FGGY: variants seen among roughly 807,000 people sequenced by gnomAD.
FGGY encodes FGGY carbohydrate kinase domain-containing protein.
Under a neutral mutation model 71.3 loss-of-function variants are expected in FGGY, and 72 were observed. The observed-to-expected ratio is 1.01, with a 90% CI of 0.84 to 1.23. The LOEUF is 1.23. Among genes scored for constraint, FGGY ranks in the 50% most tolerant of loss-of-function variants. FGGY has a pLI of 0.00. For synonymous variants in FGGY, 251 were observed against 250.3 expected, an observed-to-expected ratio of 1.00 and a Z score of -0.02; for missense variants, 668 against 682.3, an observed-to-expected ratio of 0.98 and a Z score of 0.23.
intron 6 of FGGY, among the ~76,000 whole-genome samples, chr1:59,488,048 C>T (rs1020396594): frequency 1.3e-5 from 2 of 152,110 alleles, no homozygotes; most frequent in African/African-American, 4.8e-5. Context: ...GCAGTTGAAA[C>T]CATGCCGTAT....
At chr1:59,639,211 G>C (rs1479734751) in intron 11 of FGGY, among the ~76,000 whole-genome samples, 3 of 152,182 alleles carry the variant, frequency 2.0e-5, no homozygotes, top group Non-Finnish European at 2.9e-5. Flanking sequence ...AGGAAGCCGC[G>C]TAACAGTGGA....
At chr1:59,341,907 G>C (rs540541535) in intron 3 of FGGY, among the ~76,000 whole-genome samples, 18 of 152,282 alleles carry the variant, frequency 1.2e-4, no homozygotes, top group Admixed American at 5.2e-4. Context: ...TAGAGGCAGA[G>C]TGTGGAGGCT....
chr1:59,383,460 C>G (rs1171007679), intron 5 of FGGY, among the ~76,000 whole-genome samples: 1 of 152,112 alleles, frequency 6.6e-6, no homozygotes, highest in African/African-American at 2.4e-5. Context: ...TCTGAATGGA[C>G]CCCTTCTCTT....
At chr1:59,692,653 T>C (rs12119481) in intron 14 of FGGY, among the ~76,000 whole-genome samples, 6 of 148,522 alleles carry the variant, frequency 4.0e-5, no homozygotes, top group Non-Finnish European at 8.9e-5. Context: ...AAAAAAAAGT[T>C]GGGGGAGAAA....
chr1:59,451,534 C>T (rs55727068), intron 5 of FGGY, among the ~76,000 whole-genome samples: 5,134 of 152,046 alleles, frequency 0.034, 284 homozygotes, highest in African/African-American at 0.12. Context: ...TATGCACATA[C>T]ATGCATATAT....
At chr1:59,404,676 T>C (rs1222641165) in intron 5 of FGGY, among the ~76,000 whole-genome samples, 3 of 152,182 alleles carry the variant, frequency 2.0e-5, no homozygotes, top group Non-Finnish European at 4.4e-5. Context: ...GTTGGAGGGC[T>C]AAACCAGTGT....
At chr1:59,486,612 C>G (rs2093666056) in intron 6 of FGGY, among the ~76,000 whole-genome samples, 1 of 152,200 alleles carries the variant, frequency 6.6e-6, no homozygotes, top group African/African-American at 2.4e-5. Flanking sequence ...GGGTCCTACA[C>G]ACAGCTACCT....
intron 5 of FGGY, among the ~76,000 whole-genome samples, chr1:59,386,247 C>A (rs543262950): frequency 6.6e-6 from 1 of 152,044 alleles, no homozygotes; most frequent in Non-Finnish European, 1.5e-5. Context: ...CCTTCTCAGG[C>A]TCTTCTTGGC....
Position 59,469,501 on chromosome 1 carries a change from T to G in FGGY, c.670+12425T>G, listed in dbSNP as rs1048468964. Among the ~76,000 whole-genome samples the G allele has an allele frequency of 2.6e-5, 4 of 152,334 alleles. No homozygotes were observed. The South Asian group carries it at 6.2e-4, about 24-fold the overall frequency. On this transcript the variant is annotated intron_variant, in intron 6 of 15. Coordinates refer to ENST00000303721, the MANE Select transcript of FGGY (RefSeq NM_018291.5). ...TGAGGGCAGAGCCCTCATGGCTTAA[T>G]CACATCTTAAAAGTCTCACCTTTTA...
intron 14 of FGGY, among the ~76,000 whole-genome samples, chr1:59,722,052 C>T (rs564542222): frequency 5.9e-4 from 90 of 152,308 alleles, no homozygotes; most frequent in African/African-American, 2.1e-3. Flanking sequence ...CAGGACACCA[C>T]GTTACATTTA....
intron 1 of FGGY, chr1:59,315,996 A>G (rs2045388381): frequency 6.6e-6 from 1 of 152,210 alleles, no homozygotes; most frequent in Admixed American, 6.5e-5. Context: ...AACAACTATT[A>G]TTGCCAAATC....
chr1:59,533,790 C>T (rs1178076764), intron 7 of FGGY, among the ~76,000 whole-genome samples: 1 of 152,198 alleles, frequency 6.6e-6, no homozygotes, highest in South Asian at 2.1e-4. Flanking sequence ...AGAAGGAAAA[C>T]TAACAAACAG....
chr1:59,540,902 G>C (rs537518597), intron 7 of FGGY, among the ~76,000 whole-genome samples: 24 of 152,308 alleles, frequency 1.6e-4, no homozygotes, highest in African/African-American at 5.8e-4. Flanking sequence ...CTTCCTGCCT[G>C]TATTAGGTGC....
chr1:59,365,831 G>A (rs1428691084), intron 4 of FGGY, among the ~76,000 whole-genome samples: 1 of 152,186 alleles, frequency 6.6e-6, no homozygotes, highest in Admixed American at 6.5e-5. Context: ...GACTTATCAG[G>A]CACTTTATAT....
intron 6 of FGGY, among the ~76,000 whole-genome samples, chr1:59,457,626 A>G (rs185031398): frequency 1.2e-3 from 180 of 152,202 alleles, no homozygotes; most frequent in African/African-American, 4.0e-3. Flanking sequence ...TGAGGGGGAA[A>G]AAAAAATGGG....
chr1:59,339,966 A>G lies in FGGY; in HGVS notation c.210A>G (p.Val70=), dbSNP rs181105009. ...AACCVVTKKV[V]QGIDLNQIRG... ...ATTTGTTTTTAAAACAGAAAGTTGT[A>G]CAAGGGATTGATTTAAACCAAATTC... The change falls in exon 3 of 16, where the codon GTA becomes GTG. Residue 70 remains valine, a synonymous_variant. Transcript: ENST00000303721. The G allele has an allele frequency of 1.9e-6, 3 of 1,607,912 alleles. No homozygotes were observed. The highest frequency in any genetic ancestry group is 4.5e-5 in the East Asian group (2 of 44,822).
chr1:59,591,520 G>T (rs770039534), intron 8 of FGGY, among the ~76,000 whole-genome samples: 10 of 152,232 alleles, frequency 6.6e-5, no homozygotes, highest in Non-Finnish European at 8.8e-5. Flanking sequence ...GAGGCATCAC[G>T]CTACCTGACT....
intron 8 of FGGY, among the ~76,000 whole-genome samples, chr1:59,570,330 T>C (rs2095962097): frequency 6.6e-6 from 1 of 152,190 alleles, no homozygotes; most frequent in Non-Finnish European, 1.5e-5. Flanking sequence ...GTACTCTAAA[T>C]TTACACTTGA....
intron 14 of FGGY, among the ~76,000 whole-genome samples, chr1:59,751,211 TG>T (rs1163437442): frequency 6.6e-6 from 1 of 152,184 alleles, no homozygotes; most frequent in Non-Finnish European, 1.5e-5. Flanking sequence ...ATTCACAAAG[TG>T]GTGATAGATG....
Sources: allele counts gnomAD v4.1 joint callset (sites outside exome capture counted in the v4.1 genomes callset), GRCh38; gene constraint gnomAD v4.1.1; transcripts MANE v1.5; gene names NCBI Gene and HGNC (gene_info 2026-07-23, HGNC 2026-07-21).